SLIT3: variants seen among roughly 807,000 people sequenced by gnomAD.
The protein encoded by SLIT3 is slit guidance ligand 3, also known as slit homolog 3 protein.
SLIT3 carries 68 observed loss-of-function variants against 184.0 expected under a neutral mutation model. That is an observed-to-expected ratio of 0.37 (90% CI 0.30 to 0.45). The LOEUF (loss-of-function observed/expected upper bound fraction) is 0.45, where lower values mean the gene tolerates loss of function less well. SLIT3 is among the 20% of genes least tolerant of loss of function. The pLI is 1.00. For synonymous variants in SLIT3, 831 were observed against 828.6 expected (o/e 1.00, Z -0.05); for missense variants, 1,707 against 2,026.0 (o/e 0.84, Z 3.02).
intron 9 of SLIT3, among the ~76,000 whole-genome samples, chr5:168,804,595 G>A (rs1388845905): frequency 6.6e-6 from 1 of 152,168 alleles, no homozygotes; most frequent in Non-Finnish European, 1.5e-5. Context: ...GGAAAGGAAG[G>A]TGGAGGGCCG....
intron 8 of SLIT3, among the ~76,000 whole-genome samples, chr5:168,808,641 T>C (rs1239746086): frequency 6.6e-6 from 1 of 152,168 alleles, no homozygotes; most frequent in Non-Finnish European, 1.5e-5. Context: ...CTTTTTTTGG[T>C]GCCATGTCAG....
intron 9 of SLIT3, among the ~76,000 whole-genome samples, chr5:168,803,893 G>C (rs1439194684): frequency 6.6e-6 from 1 of 152,062 alleles, no homozygotes; most frequent in Non-Finnish European, 1.5e-5. Flanking sequence ...GATGTTGAGG[G>C]AAGGGAAGTG....
At chr5:168,731,385 C>A (rs763433591) in intron 20 of SLIT3, among the ~76,000 whole-genome samples, 1 of 151,868 alleles carries the variant, frequency 6.6e-6, no homozygotes, top group Non-Finnish European at 1.5e-5. Flanking sequence ...ACACAAAAAA[C>A]TAGTATTAAT....
chr5:169,295,021 G>C (rs922280069), intron 1 of SLIT3, among the ~76,000 whole-genome samples: 1 of 152,230 alleles, frequency 6.6e-6, no homozygotes, highest in Non-Finnish European at 1.5e-5. Flanking sequence ...GGGTGAGTCA[G>C]TGAGTGAGTG....
chr5:169,154,775 G>A (rs1419378285), intron 4 of SLIT3, among the ~76,000 whole-genome samples: 1 of 152,258 alleles, frequency 6.6e-6, no homozygotes, highest in Non-Finnish European at 1.5e-5. Flanking sequence ...CTTGGGTGGT[G>A]TGGACATTCA....
intron 4 of SLIT3, among the ~76,000 whole-genome samples, chr5:169,040,652 T>A (rs536472396): frequency 6.0e-4 from 91 of 152,216 alleles, no homozygotes; most frequent in Admixed American, 1.3e-3. Context: ...GCATCTCAAT[T>A]ACTCCTCCAT....
intron 4 of SLIT3, among the ~76,000 whole-genome samples, chr5:169,088,891 A>ATGCC (rs1759441401): frequency 6.6e-6 from 1 of 151,768 alleles, no homozygotes. Context: ...ATGGTGGCGC[A>ATGCC]TGCCTGTAGT....
At chr5:169,131,605 G>C (rs145830913) in intron 4 of SLIT3, among the ~76,000 whole-genome samples, 4 of 152,134 alleles carry the variant, frequency 2.6e-5, no homozygotes, top group Non-Finnish European at 5.9e-5. Flanking sequence ...GCAGGTTTAC[G>C]ATCATGCACC....
chr5:169,086,274 G>A (rs542263040), intron 4 of SLIT3, among the ~76,000 whole-genome samples: 1 of 152,180 alleles, frequency 6.6e-6, no homozygotes, highest in South Asian at 2.1e-4. Flanking sequence ...CCAGGAACTG[G>A]CAACCACTAT....
chr5:168,875,708 G>C (rs1759708601), intron 5 of SLIT3, among the ~76,000 whole-genome samples: 1 of 151,512 alleles, frequency 6.6e-6, no homozygotes, highest in Non-Finnish European at 1.5e-5. Flanking sequence ...AGGAGAAAGG[G>C]AGACAGGAAG....
chr5:168,892,687 C>A (rs968034859), intron 4 of SLIT3, among the ~76,000 whole-genome samples: 2 of 152,254 alleles, frequency 1.3e-5, no homozygotes, highest in Admixed American at 1.3e-4. Flanking sequence ...CCAGGGCTAT[C>A]AGAGTTAACT....
chr5:169,279,165 T>G (rs1303396494), intron 1 of SLIT3, among the ~76,000 whole-genome samples: 1 of 152,164 alleles, frequency 6.6e-6, no homozygotes, highest in Admixed American at 6.5e-5. Context: ...AAAATACAGC[T>G]TCTGGGCCCA....
intron 4 of SLIT3, among the ~76,000 whole-genome samples, chr5:168,929,995 C>T (rs938219370): frequency 6.6e-6 from 1 of 152,182 alleles, no homozygotes; most frequent in African/African-American, 2.4e-5. Context: ...TTAGAAGAGA[C>T]TCAGTGAGCC....
At chr5:168,778,395 A>G (rs796421567) in intron 12 of SLIT3, among the ~76,000 whole-genome samples, 12 of 152,188 alleles carry the variant, frequency 7.9e-5, no homozygotes, top group African/African-American at 2.4e-4. Context: ...CATTTTCCCT[A>G]TGTGTGAGGA....
intron 4 of SLIT3, among the ~76,000 whole-genome samples, chr5:169,058,707 T>C (rs1758086626): frequency 6.6e-6 from 1 of 152,238 alleles, no homozygotes; most frequent in Non-Finnish European, 1.5e-5. Flanking sequence ...TTTGGCTTTC[T>C]ATGGATTGCA....
intron 4 of SLIT3, among the ~76,000 whole-genome samples, chr5:168,947,419 C>A (rs1581235316): frequency 1.3e-5 from 2 of 152,162 alleles, no homozygotes; most frequent in African/African-American, 4.8e-5. Flanking sequence ...TCCACTCCCC[C>A]AGGCCCCTGC....
At chr5:168,921,023 G>T (rs1581212519) in intron 4 of SLIT3, among the ~76,000 whole-genome samples, 1 of 152,170 alleles carries the variant, frequency 6.6e-6, no homozygotes, top group African/African-American at 2.4e-5. Flanking sequence ...TGGTAATCTG[G>T]CTCTGGAGTC....
chr5:169,289,525 G>A (rs746285104), intron 1 of SLIT3, among the ~76,000 whole-genome samples: 25 of 152,188 alleles, frequency 1.6e-4, no homozygotes, highest in Non-Finnish European at 2.5e-4. Flanking sequence ...TGCTACCCTG[G>A]ACATGATAAA....
At chr5:169,074,800 C>T (rs1296932246) in intron 4 of SLIT3, among the ~76,000 whole-genome samples, 1 of 152,162 alleles carries the variant, frequency 6.6e-6, no homozygotes, top group Non-Finnish European at 1.5e-5. Flanking sequence ...TCTTGGTCAG[C>T]CTTGTTGCAA....
Sources: gnomAD v4.1 joint callset for allele counts (sites outside exome capture counted in the v4.1 genomes callset) on GRCh38, gnomAD v4.1.1 for gene constraint, MANE v1.5 for transcripts, NCBI Gene and HGNC (gene_info 2026-07-23, HGNC 2026-07-21) for gene names.